The following VPS50 variants were observed in gnomAD, a reference collection of about 807,000 sequenced individuals.
VPS50 encodes VPS50 subunit of EARP/GARPII complex, also known as syndetin.
A neutral mutation model predicts 139.7 loss-of-function variants in VPS50; 70 were observed. That is an observed-to-expected ratio of 0.50 (90% CI 0.41 to 0.61). The LOEUF (loss-of-function observed/expected upper bound fraction) is 0.61, where lower values mean the gene tolerates loss of function less well. Ranked by LOEUF, VPS50 falls within the 20% of genes least tolerant of loss-of-function variation. The pLI is 0.00. For missense variants in VPS50, 921 were observed against 1,133.7 expected (o/e 0.81, Z 2.69); for synonymous variants, 365 against 376.7 (o/e 0.97, Z 0.36).
chr7:93,305,094 A>G (rs1190583742), intron 17 of VPS50, among the ~76,000 whole-genome samples: 1 of 151,952 alleles, frequency 6.6e-6, no homozygotes, highest in African/African-American at 2.4e-5. Flanking sequence ...TTTGTGATAA[A>G]TCATTAAATC....
At chr7:93,232,613 G>A in intron 1 of VPS50, 113 bp downstream of exon 1, 3 of 948,530 alleles carry the variant, frequency 3.2e-6, no homozygotes, top group Non-Finnish European at 3.4e-6. Context: ...GTGGTGGCAG[G>A]TGTCAGGGGG....
chr7:93,272,640 G>A lies in VPS50; in HGVS notation c.708G>A (p.Gln236=). 6.9e-7 allele frequency: 1 copy of A among 1,452,686 alleles called. No homozygotes were observed. The highest frequency in any genetic ancestry group is 2.4e-5 in the East Asian group (1 of 41,756). The allele number at this position is 1,452,686 out of a possible 1,614,324, so 90.0% of individuals were successfully genotyped here. ...TTCTTCTTTTAATTATATAGGAACAGCTGGACGTAGCTCTTTCCAAAATCT... is the reference window on the plus strand; with the variant it reads ...TTCTTCTTTTAATTATATAGGAACAACTGGACGTAGCTCTTTCCAAAATCT... ...LQDTLEQIEE[Q]LDVALSKICK... is the part of the protein sequence containing the mutation. The change falls in exon 11 of 28, where the codon CAG becomes CAA. Residue 236 remains glutamine, a synonymous_variant. Transcript: ENST00000305866.
chr7:93,311,646 T>TTCTG (rs1210055136), intron 20 of VPS50, among the ~76,000 whole-genome samples: 1 of 152,148 alleles, frequency 6.6e-6, no homozygotes, highest in East Asian at 1.9e-4. Flanking sequence ...CTTTACCATC[T>TTCTG]TCTGTCAGGC....
At position 93,232,499 on chromosome 7, in the gene VPS50, AG is replaced by A; in HGVS notation, c.33+1del. 6.2e-7 allele frequency: 1 copy of A among 1,613,384 alleles called. No homozygotes were observed. On this transcript the variant is annotated frameshift_variant and splice_region_variant, in exon 1 of 28. Coordinates refer to ENST00000305866, the MANE Select transcript of VPS50 (RefSeq NM_017667.4). LOFTEE classifies it high-confidence loss of function. ...AAAATCAAATCTCTCATGACCCGAC[AG>A]GTAAGTCGCGGCGGCTGAAGCAAAG... MQKIKSLMTR[Q>X]GLKSPQESLS...
chr7:93,233,626 A>G (rs1420216702), intron 1 of VPS50, among the ~76,000 whole-genome samples: 2 of 152,254 alleles, frequency 1.3e-5, no homozygotes, highest in Non-Finnish European at 2.9e-5. Context: ...ATGTTCTGTG[A>G]ATAATAAAAA....
chr7:93,322,623 T>A lies in VPS50; in HGVS notation c.1856-988T>A, dbSNP rs1260617936. Among the ~76,000 whole-genome samples the A allele has an allele frequency of 6.6e-3, 735 of 111,470 alleles. 2 individuals carry two copies. Among genetic ancestry groups the A allele is most frequent in the Middle Eastern group, 0.014 (3 of 220 alleles). The allele number at this position is 111,470 out of a possible 152,430, so 73.1% of individuals were successfully genotyped here. On this transcript the variant is annotated intron_variant, in intron 20 of 27. Coordinates refer to ENST00000305866, the MANE Select transcript of VPS50 (RefSeq NM_017667.4). ...TCAAAAAAAAAAAAAAAAAAAAAAA[T>A]AGTACCAATTTAAAATTATAGCAGT... is the stretch of plus-strand genomic sequence containing the variant.
In VPS50 at chr7:93,346,432, TC is replaced by T. The variant is rs1161035663; in HGVS notation, c.2208-2278del. ...ATTTACAGATTCAATGCCATCCCCATCAAGCTACCAATGACTTTCTTCACAG... is the reference window on the plus strand; with the variant it reads ...ATTTACAGATTCAATGCCATCCCCATAAGCTACCAATGACTTTCTTCACAG... On this transcript the variant is annotated intron_variant, in intron 23 of 27. Transcript: ENST00000305866. 2.0e-5 allele frequency among the ~76,000 whole-genome samples: 3 copies of T among 152,150 alleles called. No individual in the cohort carries two copies. The East Asian group carries it at 5.8e-4, about 29-fold the overall frequency.
intron 20 of VPS50, among the ~76,000 whole-genome samples, chr7:93,313,761 TAAAG>T (rs1797339723): frequency 0.016 from 1 of 64 alleles, no homozygotes; most frequent in African/African-American, 0.042. Context: ...CAAGACCCTT[TAAAG>T]TAAAGTAAAG....
chr7:93,289,455 CAG>C (rs1360149212), intron 12 of VPS50, among the ~76,000 whole-genome samples: 1 of 151,880 alleles, frequency 6.6e-6, no homozygotes, highest in Non-Finnish European at 1.5e-5. Context: ...GAATATTTTA[CAG>C]AGTTGTCATT....
At chr7:93,283,543 CTTTTCTTACTCAGTCGTCAG>C (rs1382171047) in intron 12 of VPS50, among the ~76,000 whole-genome samples, 2 of 152,130 alleles carry the variant, frequency 1.3e-5, no homozygotes, top group East Asian at 1.9e-4. Flanking sequence ...GCCTACTGAG[CTTTTCTTACTCAGTCGTCAG>C]TTTTCTTACT....
chr7:93,286,403 T>A (rs370688545), intron 12 of VPS50, among the ~76,000 whole-genome samples: 2 of 152,152 alleles, frequency 1.3e-5, no homozygotes, highest in East Asian at 3.9e-4. Flanking sequence ...AGTTTCAATG[T>A]TAGGTATTTA....
At chr7:93,269,310 G>C (rs962498699) in intron 9 of VPS50, among the ~76,000 whole-genome samples, 1 of 151,982 alleles carries the variant, frequency 6.6e-6, no homozygotes, top group Non-Finnish European at 1.5e-5. Context: ...AGTCCTACCT[G>C]CAAGTATTCC....
intron 23 of VPS50, among the ~76,000 whole-genome samples, chr7:93,347,966 G>A (rs892903905): frequency 1.3e-5 from 2 of 149,596 alleles, no homozygotes; most frequent in African/African-American, 4.9e-5. Context: ...CCCTAAAAAA[G>A]TATTATAATA....
chr7:93,232,377 C>G lies in VPS50; in HGVS notation c.-91C>G, dbSNP rs115505401. On this transcript the variant is annotated 5_prime_UTR_variant, in exon 1 of 28. Transcript: ENST00000305866. The stretch of plus-strand genomic sequence containing the variant: ...GTCGGCTCCTCCACGTGACCACCCA[C>G]TATGGCTTCCTAGTGTCAGGGCCAG... The G allele has an allele frequency of 1.0e-4, 113 of 1,116,974 alleles. No individual in the cohort carries two copies. In the African/African-American group the frequency reaches 1.5e-3, roughly 15 times the overall value. The allele number at this position is 1,116,974 out of a possible 1,614,324, so 69.2% of individuals were successfully genotyped here.
Position 93,305,855 on chromosome 7 carries a change from T to G in VPS50, c.1480T>G (p.Ser494Ala), listed in dbSNP as rs770239088. 1 of 1,612,532 alleles carries G rather than the reference T, an allele frequency of 6.2e-7. No homozygotes were observed. The highest frequency in any genetic ancestry group is 1.1e-5 in the South Asian group (1 of 91,026). The change falls in exon 18 of 28, where the codon TCC (serine) becomes GCC (alanine). Residue 494 changes from serine (S) to alanine (A), a missense_variant. Transcript: ENST00000305866. ...ATTTAAATTCATGGAACAGTCTCGC[T>G]CCCCATCAGTTTCACCTAGTAAACA... ...HEFKFMEQSR[S>A]PSVSPSKQPV...
intron 2 of VPS50, among the ~76,000 whole-genome samples, chr7:93,240,312 G>T (rs1794950881): frequency 6.6e-6 from 1 of 150,590 alleles, no homozygotes; most frequent in Non-Finnish European, 1.5e-5. Context: ...AAGTGAAATA[G>T]TTGACTACTG....
At chr7:93,238,956 T>A (rs1324407572) in intron 1 of VPS50, among the ~76,000 whole-genome samples, 1 of 152,120 alleles carries the variant, frequency 6.6e-6, no homozygotes, top group Admixed American at 6.5e-5. Context: ...TAGATATGAC[T>A]AGTGGTATTT....
At chr7:93,321,475 G>T (rs908024736) in intron 20 of VPS50, among the ~76,000 whole-genome samples, 1 of 152,138 alleles carries the variant, frequency 6.6e-6, no homozygotes, top group African/African-American at 2.4e-5. Flanking sequence ...CTGATGATCT[G>T]CTTATTGATT....
At chr7:93,238,296 G>T (rs1347965566) in intron 1 of VPS50, among the ~76,000 whole-genome samples, 1 of 149,302 alleles carries the variant, frequency 6.7e-6, no homozygotes, top group African/African-American at 2.4e-5. Flanking sequence ...ACCTCCTTAG[G>T]CCTTTTTTTT....
Sources: gnomAD v4.1 joint callset for allele counts (sites outside exome capture counted in the v4.1 genomes callset) on GRCh38, gnomAD v4.1.1 for gene constraint, MANE v1.5 for transcripts, NCBI Gene and HGNC (gene_info 2026-07-23, HGNC 2026-07-21) for gene names.